MLIP: variants seen among roughly 807,000 people sequenced by gnomAD.
The protein encoded by MLIP is muscular LMNA interacting protein.
In MLIP, 79 loss-of-function variants were observed where a neutral mutation model predicts 84.8. That is an observed-to-expected ratio of 0.93 (90% CI 0.78 to 1.12). The LOEUF is 1.12. Ranked by LOEUF, MLIP falls within the 50% of genes most tolerant of loss-of-function variation. The pLI, the probability that MLIP is intolerant of heterozygous loss-of-function variation, is 0.00. For missense variants in MLIP, 1,257 were observed against 1,160.6 expected (o/e 1.08, Z -1.21); for synonymous variants, 504 against 463.0 (o/e 1.09, Z -1.14).
At chr6:54,073,122 A>T (rs957963091) in intron 1 of MLIP, among the ~76,000 whole-genome samples, 2 of 152,190 alleles carry the variant, frequency 1.3e-5, no homozygotes, top group Admixed American at 1.3e-4. Context: ...CCCAACTTTC[A>T]AACTCTGTCC....
intron 1 of MLIP, chr6:54,031,266 T>G (rs1764118518): frequency 6.6e-6 from 1 of 152,172 alleles, no homozygotes; most frequent in Admixed American, 6.5e-5. Context: ...ATTATCTTGC[T>G]GACTCAATGA....
chr6:54,241,496 G>A (rs79319770), intron 12 of MLIP, among the ~76,000 whole-genome samples: 1 of 151,924 alleles, frequency 6.6e-6, no homozygotes, highest in Non-Finnish European at 1.5e-5. Flanking sequence ...GAATCAGAAG[G>A]TGTATAACTT....
intron 3 of MLIP, among the ~76,000 whole-genome samples, chr6:54,131,591 G>T (rs1245679656): frequency 6.6e-6 from 1 of 152,078 alleles, no homozygotes; most frequent in Non-Finnish European, 1.5e-5. Flanking sequence ...TCTTTGGGTA[G>T]TCATTTTAGG....
At chr6:54,173,697 C>A (rs1263421449) in intron 9 of MLIP, among the ~76,000 whole-genome samples, 1 of 151,814 alleles carries the variant, frequency 6.6e-6, no homozygotes, top group Non-Finnish European at 1.5e-5. Flanking sequence ...TATCTGTCCC[C>A]TCAAGCTTTT....
At position 54,213,730 on chromosome 6, in the gene MLIP, A is replaced by AAC. The variant is rs1554185768; in HGVS notation, c.2718+11498_2718+11499insCA. 6.0e-4 allele frequency among the ~76,000 whole-genome samples: 46 copies of AAC among 76,868 alleles called. 9 individuals carry two copies. The highest frequency in any genetic ancestry group is 1.6e-3 in the South Asian group (3 of 1,886). 50.4% of individuals were successfully genotyped at this position (76,868 alleles called of 152,430 possible). ...CTCAAAAAAAAAAAAAAAAAAAAAA[A>AAC]AAAAAACAACAAACAGCATATCTTG... is the stretch of plus-strand genomic sequence containing the variant. On this transcript the variant is annotated intron_variant, in intron 11 of 13. Transcript: ENST00000502396.
intron 11 of MLIP, among the ~76,000 whole-genome samples, chr6:54,224,200 G>C (rs756400815): frequency 6.6e-6 from 1 of 151,804 alleles, no homozygotes; most frequent in East Asian, 1.9e-4. Flanking sequence ...ATAGCAAACT[G>C]TTAGTTAAAC....
chr6:54,178,829 A>G (rs192471297), intron 9 of MLIP, among the ~76,000 whole-genome samples: 1 of 152,324 alleles, frequency 6.6e-6, no homozygotes, highest in East Asian at 1.9e-4. Flanking sequence ...ATCCTTGAGA[A>G]TGATCCATGT....
chr6:54,209,385 A>G (rs1779259168), intron 11 of MLIP, among the ~76,000 whole-genome samples: 1 of 152,246 alleles, frequency 6.6e-6, no homozygotes, highest in Non-Finnish European at 1.5e-5. Context: ...TTCCACTAAA[A>G]TAAAACAAAG....
intron 1 of MLIP, among the ~76,000 whole-genome samples, chr6:54,087,162 T>C (rs1767549713): frequency 6.6e-6 from 1 of 152,098 alleles, no homozygotes; most frequent in Non-Finnish European, 1.5e-5. Context: ...TATTATGATA[T>C]ATGGAAGTAG....
chr6:54,021,034 A>T (rs1203470728), intron 1 of MLIP, among the ~76,000 whole-genome samples: 1 of 152,210 alleles, frequency 6.6e-6, no homozygotes, highest in South Asian at 2.1e-4. Flanking sequence ...TATTTAAGAG[A>T]GTTGGAAAAT....
Position 54,037,982 on chromosome 6 carries a change from C to T in MLIP, c.63+18891C>T, listed in dbSNP as rs533395397. Among the ~76,000 whole-genome samples, 488 of 151,892 alleles carry T rather than the reference C, an allele frequency of 3.2e-3. 5 individuals are homozygous for T. Among genetic ancestry groups the T allele is most frequent in the African/African-American group, 9.7e-3 (403 of 41,444 alleles). On this transcript the variant is annotated intron_variant, in intron 1 of 12. Coordinates refer to the MLIP transcript ENST00000274897. ...TTAATATGAGATTAAATAACAAAAT[C>T]GTCTAGATCAATATATATGCAGTTC... is the stretch of plus-strand genomic sequence containing the variant.
intron 12 of MLIP, among the ~76,000 whole-genome samples, chr6:54,235,704 T>C (rs1384286797): frequency 6.6e-6 from 1 of 152,348 alleles, no homozygotes; most frequent in African/African-American, 2.4e-5. Context: ...AGTCAACTTA[T>C]GGATTTACCA....
intron 1 of MLIP, among the ~76,000 whole-genome samples, chr6:54,087,708 C>T (rs1561919724): frequency 6.6e-6 from 1 of 151,930 alleles, no homozygotes; most frequent in African/African-American, 2.4e-5. Flanking sequence ...ATTACTTTGT[C>T]TAAATAAAAT....
intron 1 of MLIP, among the ~76,000 whole-genome samples, chr6:54,051,973 C>A (rs920961755): frequency 3.9e-5 from 6 of 152,110 alleles, no homozygotes; most frequent in African/African-American, 1.4e-4. Flanking sequence ...GGACTTCAGG[C>A]AGTGCTGAAT....
At chr6:54,076,259 C>G (rs1766797840) in intron 1 of MLIP, among the ~76,000 whole-genome samples, 1 of 152,156 alleles carries the variant, frequency 6.6e-6, no homozygotes, top group Admixed American at 6.6e-5. Flanking sequence ...ATCATAATCT[C>G]TATTAACCTT....
chr6:54,258,954 A>G (rs1043783068), intron 13 of MLIP, among the ~76,000 whole-genome samples: 8 of 151,938 alleles, frequency 5.3e-5, no homozygotes, highest in African/African-American at 1.7e-4. Flanking sequence ...AAAGATATTT[A>G]TCCAAATTTC....
chr6:54,030,133 C>A (rs1419511941), intron 1 of MLIP, among the ~76,000 whole-genome samples: 1 of 152,198 alleles, frequency 6.6e-6, no homozygotes, highest in Non-Finnish European at 1.5e-5. Flanking sequence ...ACAATGCTTA[C>A]TTTCCCACTA....
chr6:54,044,636 G>GC (rs1554139633), intron 1 of MLIP, among the ~76,000 whole-genome samples: 1 of 145,834 alleles, frequency 6.9e-6, no homozygotes, highest in African/African-American at 2.5e-5. Context: ...CGTGGTAGAC[G>GC]TTTTTTTTTT....
Position 54,236,606 on chromosome 6 carries a change from GAA to G in MLIP, c.2922+5699_2922+5700del, listed in dbSNP as rs56168306. On this transcript the variant is annotated intron_variant, in intron 12 of 13. Transcript: ENST00000502396. ...AATAAGAGCGAAACTCAGTCTAAAA[GAA>G]AAAAAAAAATTGTCCTTTTTGCATT... is the stretch of plus-strand genomic sequence containing the variant. Among the ~76,000 whole-genome samples, 18 of 151,266 alleles carry G rather than the reference GAA, an allele frequency of 1.2e-4. No individual in the cohort carries two copies. In the South Asian group the frequency reaches 1.3e-3, roughly 11 times the overall value.
Sources: allele counts gnomAD v4.1 joint callset (sites outside exome capture counted in the v4.1 genomes callset), GRCh38; gene constraint gnomAD v4.1.1; transcripts MANE v1.5; gene names NCBI Gene and HGNC (gene_info 2026-07-23, HGNC 2026-07-21).